Variants in SPIDR observed in about 807,000 individuals in gnomAD.
The protein encoded by SPIDR is scaffold protein involved in DNA repair, also known as DNA repair-scaffolding protein.
Under a neutral mutation model 104.6 loss-of-function variants are expected in SPIDR, and 93 were observed. The ratio of observed to expected loss-of-function variants is 0.89; its 90% CI spans 0.75 to 1.06. The LOEUF (loss-of-function observed/expected upper bound fraction) is 1.06, where lower values mean the gene tolerates loss of function less well. Ranked by LOEUF, SPIDR falls within the 50% of genes least tolerant of loss-of-function variation. The probability of loss-of-function intolerance (pLI) is 0.00; values close to 1 mark genes in which losing one functional copy is unlikely to be tolerated. For synonymous variants in SPIDR, 431 were observed against 416.9 expected, an observed-to-expected ratio of 1.03 and a Z score of -0.41; for missense variants, 1,154 against 1,111.2, an observed-to-expected ratio of 1.04 and a Z score of -0.55.
At chr8:47,296,572 A>G (rs2040878306) in intron 5 of SPIDR, among the ~76,000 whole-genome samples, 1 of 152,192 alleles carries the variant, frequency 6.6e-6, no homozygotes, top group Non-Finnish European at 1.5e-5. Flanking sequence ...AATTGACCAC[A>G]AATGTGTGGG....
rs1032169907 is a variant in SPIDR, at chr8:47,550,613, G to T, written c.1098-45198G>T. 5.9e-5 allele frequency among the ~76,000 whole-genome samples: 9 copies of T among 152,292 alleles called. No individual in the cohort carries two copies. In the South Asian group the frequency reaches 1.4e-3, roughly 25 times the overall value. On this transcript the variant is annotated intron_variant, in intron 8 of 19. Coordinates refer to ENST00000297423, the MANE Select transcript of SPIDR (RefSeq NM_001080394.4). ...GGAATGCTTGTGATTTTTGCACATT[G>T]ATTTTGTATCCTGAGACTTTGCTGC...
chr8:47,518,667 T>C (rs1172027253), intron 8 of SPIDR, among the ~76,000 whole-genome samples: 2 of 151,458 alleles, frequency 1.3e-5, no homozygotes, highest in Non-Finnish European at 2.9e-5. Context: ...GACGGAGTCT[T>C]GCTCTGTCGC....
intron 5 of SPIDR, chr8:47,330,714 T>C (rs568613968): frequency 1.1e-5 from 5 of 454,616 alleles, no homozygotes; most frequent in East Asian, 6.9e-5. Flanking sequence ...CACTGAATTA[T>C]GTTCCATTGT....
At chr8:47,607,971 C>A (rs1325178296) in intron 10 of SPIDR, among the ~76,000 whole-genome samples, 2 of 151,300 alleles carry the variant, frequency 1.3e-5, no homozygotes, top group Non-Finnish European at 2.9e-5. Context: ...AATTCACATC[C>A]CATAAAATTC....
At chr8:47,302,864 G>A (rs1586635461) in intron 5 of SPIDR, among the ~76,000 whole-genome samples, 1 of 152,188 alleles carries the variant, frequency 6.6e-6, no homozygotes, top group Admixed American at 6.5e-5. Flanking sequence ...CTACTGGGGG[G>A]TCCCTCCCAG....
At chr8:47,377,075 G>C (rs1483603974) in intron 5 of SPIDR, among the ~76,000 whole-genome samples, 1 of 152,158 alleles carries the variant, frequency 6.6e-6, no homozygotes, top group Non-Finnish European at 1.5e-5. Context: ...AAAGCTTGCT[G>C]ACCCCTGTTC....
intron 5 of SPIDR, chr8:47,360,974 A>G: frequency 1.0e-6 from 1 of 985,056 alleles, no homozygotes; most frequent in African/African-American, 1.7e-5. Flanking sequence ...ATTATTTCAC[A>G]CTTTTAAAAA....
At chr8:47,550,533 G>C (rs989411908) in intron 8 of SPIDR, among the ~76,000 whole-genome samples, 2 of 152,128 alleles carry the variant, frequency 1.3e-5, no homozygotes, top group Non-Finnish European at 2.9e-5. Flanking sequence ...AAGCAGTTGT[G>C]AATGGCAGTT....
chr8:47,567,780 C>CTTTTTTTTTTT (rs35199139), intron 8 of SPIDR, among the ~76,000 whole-genome samples: 198 of 71,006 alleles, frequency 2.8e-3, no homozygotes, highest in East Asian at 4.7e-3. Context: ...TTTTCTTTTT[C>CTTTTTTTTTTT]TTTTTTTTTT....
intron 8 of SPIDR, among the ~76,000 whole-genome samples, chr8:47,514,715 T>A (rs931510931): frequency 1.3e-5 from 2 of 152,042 alleles, no homozygotes; most frequent in Admixed American, 1.3e-4. Context: ...AAGGGAAATA[T>A]AAGTATTTAG....
intron 8 of SPIDR, among the ~76,000 whole-genome samples, chr8:47,540,923 G>A (rs112853420): frequency 0.019 from 2,950 of 152,194 alleles, 97 homozygotes; most frequent in African/African-American, 0.068. Flanking sequence ...GCAGTGGCGC[G>A]GTCTCAGCTC....
chr8:47,535,976 G>A (rs559647075), intron 8 of SPIDR, among the ~76,000 whole-genome samples: 17 of 152,154 alleles, frequency 1.1e-4, no homozygotes, highest in African/African-American at 3.9e-4. Flanking sequence ...CAAGGCTGCA[G>A]AATATGTTAA....
At chr8:47,422,324 C>G (rs187481877) in intron 7 of SPIDR, among the ~76,000 whole-genome samples, 3,890 of 152,274 alleles carry the variant, frequency 0.026, 127 homozygotes, top group East Asian at 0.082. Context: ...TCCCCTCCCC[C>G]AGCCTCACTG....
intron 8 of SPIDR, among the ~76,000 whole-genome samples, chr8:47,586,261 C>T (rs1056124888): frequency 6.6e-6 from 1 of 152,020 alleles, no homozygotes; most frequent in African/African-American, 2.4e-5. Flanking sequence ...AGTACAAATG[C>T]TAGGTTGTTT....
intron 8 of SPIDR, among the ~76,000 whole-genome samples, chr8:47,550,762 C>G (rs1217921675): frequency 1.3e-5 from 2 of 152,180 alleles, no homozygotes; most frequent in Non-Finnish European, 2.9e-5. Flanking sequence ...CCCTTTATTT[C>G]TTTCTCTTTC....
chr8:47,654,260 C>T, intron 10 of SPIDR: 1 of 995,012 alleles, frequency 1.0e-6, no homozygotes, highest in Non-Finnish European at 1.4e-6. Flanking sequence ...TTGGGAAGCA[C>T]CTGCCTAATC....
chr8:47,696,595 C>T lies in SPIDR; in HGVS notation c.1686-3808C>T, dbSNP rs187928782. Reference sequence around the variant, plus strand: ...TGTAACACAAAAAGTCTTCAGTCAGCCAAGCTCACCTGTCAGCCTGCAGAA... The same window carrying T: ...TGTAACACAAAAAGTCTTCAGTCAGTCAAGCTCACCTGTCAGCCTGCAGAA... On this transcript the variant is annotated intron_variant, in intron 11 of 19. Coordinates refer to ENST00000297423, the MANE Select transcript of SPIDR (RefSeq NM_001080394.4). 2.2e-3 allele frequency among the ~76,000 whole-genome samples: 333 copies of T among 152,328 alleles called. 1 individual carries two copies. The highest frequency in any genetic ancestry group is 5.9e-3 in the African/African-American group (247 of 41,570).
intron 19 of SPIDR, chr8:47,732,273 G>GGT: frequency 4.3e-6 from 3 of 696,884 alleles, no homozygotes; most frequent in Non-Finnish European, 7.9e-6. Context: ...AGAGCTCAAA[G>GGT]GTGTGTGTAC....
chr8:47,499,559 T>TA (rs1273449463), intron 8 of SPIDR, among the ~76,000 whole-genome samples: 2 of 151,708 alleles, frequency 1.3e-5, no homozygotes, highest in African/African-American at 4.8e-5. Context: ...TTTTTTTTTT[T>TA]ACCCTTGATT....
Sources: gnomAD v4.1 joint callset for allele counts (sites outside exome capture counted in the v4.1 genomes callset) on GRCh38, gnomAD v4.1.1 for gene constraint, MANE v1.5 for transcripts, NCBI Gene and HGNC (gene_info 2026-07-23, HGNC 2026-07-21) for gene names.